The following TCTN3 variants were observed in gnomAD, a reference collection of about 807,000 sequenced individuals.
TCTN3 encodes tectonic family member 3.
Under a neutral mutation model 71.3 loss-of-function variants are expected in TCTN3, and 57 were observed. The observed-to-expected ratio is 0.80, with a 90% CI of 0.65 to 1.00. TCTN3 has a LOEUF of 1.00. TCTN3 is among the 50% of genes least tolerant of loss of function. TCTN3 has a pLI of 0.00. For synonymous variants in TCTN3, 258 were observed against 267.8 expected, an observed-to-expected ratio of 0.96 and a Z score of 0.36; for missense variants, 696 against 719.9, an observed-to-expected ratio of 0.97 and a Z score of 0.38.
At chr10:95,692,312 C>A (rs2097954266) in intron 3 of TCTN3, among the ~76,000 whole-genome samples, 1 of 152,084 alleles carries the variant, frequency 6.6e-6, no homozygotes, top group Admixed American at 6.6e-5. Context: ...TCAAGACCAT[C>A]CTGGCCAACA....
In TCTN3 at chr10:95,680,326, C is replaced by T. The variant is rs2097941619; in HGVS notation, c.1590+146G>A. 3.0e-6 allele frequency: 3 copies of T among 1,016,622 alleles called. No homozygotes were observed. In the South Asian group the frequency reaches 4.9e-5, roughly 17 times the overall value. 63.0% of individuals were successfully genotyped at this position (1,016,622 alleles called of 1,614,324 possible). ...AATCAGGCAGGGTGAATAGACTTGA[C>T]AAATTATGTCAGCTCACTTTAAACA... On this transcript the variant is annotated intron_variant, in intron 13 of 13. Transcript: ENST00000371217.
intron 13 of TCTN3, 59 bp from the exon 14 acceptor site, chr10:95,664,359 AC>A: frequency 2.1e-6 from 3 of 1,401,442 alleles, no homozygotes; most frequent in Non-Finnish European, 3.0e-6. Context: ...TAGCACTCTA[AC>A]TTGGCTGTTA....
intron 3 of TCTN3, among the ~76,000 whole-genome samples, chr10:95,691,888 T>G (rs1362763927): frequency 1.3e-5 from 2 of 152,180 alleles, no homozygotes; most frequent in African/African-American, 2.4e-5. Context: ...GAAACGAGCC[T>G]GGAAATGCTA....
In TCTN3 at chr10:95,693,056, G is replaced by A. The variant is rs1356931228; in HGVS notation, c.381-18C>T. On this transcript the variant is annotated intron_variant, in intron 2 of 13. Transcript: ENST00000371217. The stretch of plus-strand genomic sequence containing the variant: ...TTGAAGACCTGTGAGGAAAGAGGAG[G>A]GAGAAGATATATTTAGAAGGGGCGG... The A allele has an allele frequency of 3.8e-6, 6 of 1,577,100 alleles. No homozygotes were observed. The South Asian group carries it at 6.8e-5, about 18-fold the overall frequency.
chr10:95,669,052 C>T (rs1566064716), intron 13 of TCTN3, among the ~76,000 whole-genome samples: 1 of 152,160 alleles, frequency 6.6e-6, no homozygotes, highest in Non-Finnish European at 1.5e-5. Context: ...CTTGCCGCAG[C>T]ATGCATATTC....
rs1488219810 is a variant in TCTN3 at position 95,682,808 on chromosome 10, T to C, written c.1299-4A>G. ...GCTGCAGTCTGCCTTCTTCAACCTA[T>C]AATTAAACACCATGGAGGCTGCAGT... On this transcript the variant is annotated splice_polypyrimidine_tract_variant and splice_region_variant and intron_variant, in intron 11 of 13. Coordinates refer to ENST00000371217, the MANE Select transcript of TCTN3 (RefSeq NM_015631.6). 21 of 1,613,264 alleles carry C rather than the reference T, an allele frequency of 1.3e-5. No homozygotes were observed. The highest frequency in any genetic ancestry group is 1.6e-5 in the Non-Finnish European group (19 of 1,179,744).
At chr10:95,687,840 A>G in intron 3 of TCTN3, 121 bp from the exon 4 acceptor site, 3 of 1,194,156 alleles carry the variant, frequency 2.5e-6, no homozygotes, top group Non-Finnish European at 3.4e-6. Context: ...GTGTAAACTC[A>G]AAGAATTTTT....
At chr10:95,680,431 G>C in intron 13 of TCTN3, 41 bp downstream of exon 13, 1 of 1,560,198 alleles carries the variant, frequency 6.4e-7, no homozygotes, top group Non-Finnish European at 8.6e-7. Flanking sequence ...GACAATCTAG[G>C]CTTTGCAAGG....
At chr10:95,678,863 T>C (rs2097940064) in intron 13 of TCTN3, among the ~76,000 whole-genome samples, 1 of 152,194 alleles carries the variant, frequency 6.6e-6, no homozygotes, top group African/African-American at 2.4e-5. Context: ...TATAGGAGCA[T>C]AGCGTCTTTC....
chr10:95,681,953 G>C (rs1392889386), intron 12 of TCTN3, among the ~76,000 whole-genome samples: 1 of 152,156 alleles, frequency 6.6e-6, no homozygotes, highest in Non-Finnish European at 1.5e-5. Flanking sequence ...CCAGCACTTT[G>C]GGAGGCCAAG....
At chr10:95,688,565 C>G (rs1278849347) in intron 3 of TCTN3, among the ~76,000 whole-genome samples, 1 of 152,114 alleles carries the variant, frequency 6.6e-6, no homozygotes, top group East Asian at 1.9e-4. Context: ...TCCAAATCTT[C>G]CTGTTTCCTC....
rs1485348189 is a variant in TCTN3 at position 95,664,313 on chromosome 10, A to C, written c.1591-13T>G. On this transcript the variant is annotated splice_polypyrimidine_tract_variant and intron_variant, in intron 13 of 13. Coordinates refer to ENST00000371217, the MANE Select transcript of TCTN3 (RefSeq NM_015631.6). ...CTTGCTGAGAATCCTACGGGAAGAA[A>C]GTCAATGACAGGTCAGCGCTTGGTA... 18 of 1,611,414 alleles carry C rather than the reference A, an allele frequency of 1.1e-5. No homozygotes were observed. Among genetic ancestry groups the C allele is most frequent in the Non-Finnish European group, 1.5e-5 (18 of 1,177,584 alleles).
At position 95,693,905 on chromosome 10, in the gene TCTN3, AT is replaced by A; in HGVS notation, c.-7del. The A allele has an allele frequency of 1.3e-6, 2 of 1,551,496 alleles. No individual in the cohort carries two copies. Among genetic ancestry groups the A allele is most frequent in the Admixed American group, 3.9e-5 (2 of 50,938 alleles). On this transcript the variant is annotated 5_prime_UTR_variant, in exon 1 of 14. In the 5' UTR this introduces an upstream ATG that the reference lacks. Transcript: ENST00000371217. ...GCGAGCTGTGGGGTGCGCATGGGGC[AT>A]TCAGGGCCTCCGGGTCCGACGTAGG...
At chr10:95,676,494 C>T (rs976795175) in intron 13 of TCTN3, among the ~76,000 whole-genome samples, 1 of 151,938 alleles carries the variant, frequency 6.6e-6, no homozygotes, top group African/African-American at 2.4e-5. Flanking sequence ...TGTGAGTCAC[C>T]GCGCCCGGCC....
At chr10:95,693,592 A>G (rs1463101705) in intron 1 of TCTN3, 52 bp downstream of exon 1, 1 of 1,546,620 alleles carries the variant, frequency 6.5e-7, no homozygotes, top group Admixed American at 2.0e-5. Context: ...CTTTGCTCAC[A>G]GAATTTTAGA....
At chr10:95,690,290 T>C (rs556495057) in intron 3 of TCTN3, among the ~76,000 whole-genome samples, 3 of 152,150 alleles carry the variant, frequency 2.0e-5, no homozygotes, top group Non-Finnish European at 4.4e-5. Flanking sequence ...GCTGTACCAA[T>C]AGATACTAAG....
Position 95,693,902 on chromosome 10 carries a change from G to A in TCTN3, c.-3C>T, listed in dbSNP as rs981645423. 5.2e-6 allele frequency: 8 copies of A among 1,551,516 alleles called. No individual in the cohort carries two copies. The highest frequency in any genetic ancestry group is 6.1e-6 in the Non-Finnish European group (7 of 1,146,908). On this transcript the variant is annotated 5_prime_UTR_variant, in exon 1 of 14. Coordinates refer to ENST00000371217, the MANE Select transcript of TCTN3 (RefSeq NM_015631.6). ...AGCGCGAGCTGTGGGGTGCGCATGG[G>A]GCATTCAGGGCCTCCGGGTCCGACG...
At chr10:95,674,400 A>G (rs941102498) in intron 13 of TCTN3, among the ~76,000 whole-genome samples, 19 of 152,262 alleles carry the variant, frequency 1.2e-4, no homozygotes, top group African/African-American at 4.3e-4. Context: ...AAGTTAAAGA[A>G]TATAAATAAA....
intron 8 of TCTN3, 72 bp downstream of exon 8, chr10:95,685,484 A>T: frequency 7.9e-7 from 1 of 1,265,484 alleles, no homozygotes. Flanking sequence ...CTGATACTTA[A>T]TGGAAGATGA....
Sources: gnomAD v4.1 joint callset for allele counts (sites outside exome capture counted in the v4.1 genomes callset) on GRCh38, gnomAD v4.1.1 for gene constraint, MANE v1.5 for transcripts, NCBI Gene and HGNC (gene_info 2026-07-23, HGNC 2026-07-21) for gene names.